The following HIP1 variants were observed in gnomAD, a reference collection of about 807,000 sequenced individuals.
HIP1 encodes the protein huntingtin-interacting protein 1.
In HIP1, 65 loss-of-function variants were observed where a neutral mutation model predicts 147.6. The ratio of observed to expected loss-of-function variants is 0.44; its 90% CI spans 0.36 to 0.54. The LOEUF (loss-of-function observed/expected upper bound fraction) is 0.54, where lower values mean the gene tolerates loss of function less well. HIP1 is among the 20% of genes least tolerant of loss of function. The probability of loss-of-function intolerance (pLI) is 0.00; values close to 1 mark genes in which losing one functional copy is unlikely to be tolerated. For synonymous variants in HIP1, 479 were observed against 504.0 expected (o/e 0.95, Z 0.67); for missense variants, 1,061 against 1,299.6 (o/e 0.82, Z 2.82).
Position 75,616,910 on chromosome 7 carries a change from T to TC in HIP1, c.121-17664_121-17663insG, listed in dbSNP as rs201642798. Among the ~76,000 whole-genome samples, 902 of 152,094 alleles carry TC rather than the reference T, an allele frequency of 5.9e-3. 9 individuals are homozygous for TC. The highest frequency in any genetic ancestry group is 0.02 in the African/African-American group (821 of 41,458). On this transcript the variant is annotated intron_variant, in intron 1 of 30. Coordinates refer to ENST00000336926, the MANE Select transcript of HIP1 (RefSeq NM_005338.7). Reference sequence around the variant, plus strand: ...ACAACAGTAACTACATTTAGATGACTATTTTTTTTTGTTTGGACAAGGTCT... The same window carrying TC: ...ACAACAGTAACTACATTTAGATGACTCATTTTTTTTTGTTTGGACAAGGTCT...
intron 1 of HIP1, among the ~76,000 whole-genome samples, chr7:75,641,870 A>G (rs543160243): frequency 8.5e-5 from 13 of 152,250 alleles, no homozygotes; most frequent in Non-Finnish European, 8.8e-5. Context: ...GGAAACTTCA[A>G]AGGCAGCCTT....
At chr7:75,664,146 A>G (rs546756678) in intron 1 of HIP1, among the ~76,000 whole-genome samples, 2 of 54,804 alleles carry the variant, frequency 3.6e-5, no homozygotes, top group East Asian at 3.1e-4. Context: ...GTACATACAT[A>G]CATGTATGTG....
chr7:75,690,231 A>G (rs1432592750), intron 1 of HIP1, among the ~76,000 whole-genome samples: 1 of 151,764 alleles, frequency 6.6e-6, no homozygotes, highest in Non-Finnish European at 1.5e-5. Context: ...GGGGGTGGTG[A>G]TTGCACCACT....
intron 1 of HIP1, among the ~76,000 whole-genome samples, chr7:75,684,226 CGCCG>C (rs1554517296): frequency 1.3e-5 from 2 of 151,714 alleles, no homozygotes; most frequent in Non-Finnish European, 2.9e-5. Context: ...GTAGGTGGAT[CGCCG>C]GAGCTTAGGA....
At chr7:75,625,710 T>C (rs1406921923) in intron 1 of HIP1, 1 of 152,186 alleles carries the variant, frequency 6.6e-6, no homozygotes, top group Non-Finnish European at 1.5e-5. Context: ...TCCATTGTGA[T>C]GGTATGAAGA....
intron 1 of HIP1, among the ~76,000 whole-genome samples, chr7:75,717,696 C>A (rs1386890293): frequency 1.2e-5 from 1 of 81,110 alleles, no homozygotes; most frequent in East Asian, 3.8e-4. Context: ...AAAGACCAGG[C>A]GCGGTGGCTC....
intron 5 of HIP1, among the ~76,000 whole-genome samples, chr7:75,586,193 T>C (rs1351608803): frequency 3.3e-5 from 5 of 151,756 alleles, no homozygotes; most frequent in Non-Finnish European, 5.9e-5. Context: ...GGTTACTCTT[T>C]CTTTTTTTTG....
rs55679922 is a variant in HIP1, at chr7:75,551,189, A to ATTTTTTTTTTTTTTTTTT, written c.2296-2206_2296-2189dup. Among the ~76,000 whole-genome samples the ATTTTTTTTTTTTTTTTTT allele has an allele frequency of 1.8e-3, 140 of 77,408 alleles. 41 individuals are homozygous for ATTTTTTTTTTTTTTTTTT. The highest frequency in any genetic ancestry group is 0.033 in the Middle Eastern group (2 of 60). The allele number at this position is 77,408 out of a possible 152,430, so 50.8% of individuals were successfully genotyped here. A position where few individuals can be genotyped will look rare whatever the true frequency, so the allele number is the denominator to read the frequency against. Reference sequence around the variant, plus strand: ...TAGGGAGGCAAAGATGTAGATGATAATTTTTTTTTTTTTTTTTTTTTTTTT... The same window carrying ATTTTTTTTTTTTTTTTTT: ...TAGGGAGGCAAAGATGTAGATGATAATTTTTTTTTTTTTTTTTTTTTTTTTTTTTTTTTTTTTTTTTTT... On this transcript the variant is annotated intron_variant, in intron 22 of 30. Transcript: ENST00000336926.
intron 1 of HIP1, among the ~76,000 whole-genome samples, chr7:75,616,603 G>GGAGGAGGAGGAAGAGGAGGAGGAC (rs1554506100): frequency 1.0e-5 from 1 of 99,608 alleles, no homozygotes; most frequent in African/African-American, 2.7e-5. Context: ...AGGAGGAGGA[G>GGAGGAGGAGGAAGAGGAGGAGGAC]GAGGAGGAGG....
chr7:75,553,991 C>T (rs1318611958), intron 21 of HIP1, 122 bp downstream of exon 21: 7 of 674,274 alleles, frequency 1.0e-5, no homozygotes, highest in Admixed American at 5.1e-5. Context: ...GTGATCTGCC[C>T]GCCTCAGCCT....
Position 75,721,689 on chromosome 7 carries a change from T to A in HIP1, c.120+17112A>T, listed in dbSNP as rs147184651. On this transcript the variant is annotated intron_variant, in intron 1 of 30. Transcript: ENST00000336926. ...TAAGCAGAGGACAGAAGATGGTAAG[T>A]GGGCAGAAGTAACTAATTGCAAAAA... 5.9e-5 allele frequency among the ~76,000 whole-genome samples: 9 copies of A among 152,226 alleles called. No homozygotes were observed. The East Asian group carries it at 1.7e-3, about 29-fold the overall frequency.
At chr7:75,667,024 T>C (rs1799585178) in intron 1 of HIP1, among the ~76,000 whole-genome samples, 1 of 152,178 alleles carries the variant, frequency 6.6e-6, no homozygotes, top group Admixed American at 6.6e-5. Flanking sequence ...AGGTGGTGTA[T>C]GTATAGGCAG....
At chr7:75,540,323 G>C (rs1371579708) in intron 29 of HIP1, among the ~76,000 whole-genome samples, 1 of 151,782 alleles carries the variant, frequency 6.6e-6, no homozygotes, top group African/African-American at 2.4e-5. Context: ...CAGCTACTTT[G>C]GAGGCTGAGG....
In HIP1 at chr7:75,583,187, C is replaced by T. The variant is rs587743587; in HGVS notation, c.466-1036G>A. 1.6e-3 allele frequency among the ~76,000 whole-genome samples: 246 copies of T among 152,232 alleles called. 2 individuals are homozygous for T. The highest frequency in any genetic ancestry group is 2.7e-3 in the South Asian group (13 of 4,820). On this transcript the variant is annotated intron_variant, in intron 5 of 30. Coordinates refer to ENST00000336926, the MANE Select transcript of HIP1 (RefSeq NM_005338.7). ...CTCCCCATCTCTCTGCCTGCCTTTGCTTCCTGGCTCAGTCTTGACATCATG... is the reference window on the plus strand; with the variant it reads ...CTCCCCATCTCTCTGCCTGCCTTTGTTTCCTGGCTCAGTCTTGACATCATG...
Position 75,639,109 on chromosome 7 carries a change from G to A in HIP1, c.121-39862C>T, listed in dbSNP as rs1584909608. The A allele has an allele frequency of 1.0e-5, 10 of 983,802 alleles. No homozygotes were observed. In the African/African-American group the frequency reaches 1.7e-4, roughly 17 times the overall value. 60.9% of individuals were successfully genotyped at this position (983,802 alleles called of 1,614,324 possible). A position where few individuals can be genotyped will look rare whatever the true frequency, so the allele number is the denominator to read the frequency against. On this transcript the variant is annotated intron_variant, in intron 1 of 30. Coordinates refer to ENST00000336926, the MANE Select transcript of HIP1 (RefSeq NM_005338.7). Reference sequence around the variant, plus strand: ...GCACCCCCCCACCCCTGGAGATCCCGCTTCCCCCAAAGCTGCTCCCGGCTA... The same window carrying A: ...GCACCCCCCCACCCCTGGAGATCCCACTTCCCCCAAAGCTGCTCCCGGCTA...
At chr7:75,562,732 T>A (rs1795270657) in intron 11 of HIP1, among the ~76,000 whole-genome samples, 1 of 152,178 alleles carries the variant, frequency 6.6e-6, no homozygotes, top group South Asian at 2.1e-4. Flanking sequence ...AGTGTTGGGA[T>A]TACAGCTGTG....
intron 1 of HIP1, among the ~76,000 whole-genome samples, chr7:75,709,110 T>A (rs1554519935): frequency 3.3e-5 from 1 of 30,506 alleles, no homozygotes; most frequent in Non-Finnish European, 5.9e-5. Context: ...TTTTCTTTTC[T>A]TTTTTTTTTT....
intron 25 of HIP1, among the ~76,000 whole-genome samples, chr7:75,546,721 T>C (rs782315554): frequency 1.9e-4 from 29 of 152,204 alleles, no homozygotes; most frequent in Admixed American, 3.3e-4. Flanking sequence ...TGTCTGCCTG[T>C]GCGAAGGGAG....
At chr7:75,716,065 T>C (rs1489007122) in intron 1 of HIP1, among the ~76,000 whole-genome samples, 1 of 152,060 alleles carries the variant, frequency 6.6e-6, no homozygotes, top group Admixed American at 6.6e-5. Flanking sequence ...TCCGCCCCCG[T>C]GACCCAAACA....
Sources: gnomAD v4.1 joint callset for allele counts (sites outside exome capture counted in the v4.1 genomes callset) on GRCh38, gnomAD v4.1.1 for gene constraint, MANE v1.5 for transcripts, NCBI Gene and HGNC (gene_info 2026-07-23, HGNC 2026-07-21) for gene names.